The following PALLD variants were observed in gnomAD, a reference collection of about 807,000 sequenced individuals.
The protein encoded by PALLD is palladin.
PALLD carries 61 observed loss-of-function variants against 123.5 expected under a neutral mutation model. The ratio of observed to expected loss-of-function variants is 0.49; its 90% CI spans 0.40 to 0.61. The LOEUF (loss-of-function observed/expected upper bound fraction) is 0.61. PALLD is among the 20% of genes least tolerant of loss of function. The probability of loss-of-function intolerance (pLI) is 0.00; values close to 1 mark genes in which losing one functional copy is unlikely to be tolerated. For missense variants in PALLD, 1,273 were observed against 1,377.0 expected, an observed-to-expected ratio of 0.92 and a Z score of 1.20; for synonymous variants, 465 against 496.4, an observed-to-expected ratio of 0.94 and a Z score of 0.84.
intron 2 of PALLD, among the ~76,000 whole-genome samples, chr4:168,656,363 G>C (rs550827991): frequency 4.6e-5 from 7 of 151,622 alleles, no homozygotes; most frequent in Admixed American, 2.6e-4. Context: ...CTTGCATAGG[G>C]AATTGGTGAG....
At chr4:168,830,362 C>CA (rs140686498) in intron 10 of PALLD, among the ~76,000 whole-genome samples, 67,987 of 150,350 alleles carry the variant, frequency 0.45, 16,640 homozygotes, top group Non-Finnish European at 0.56. Flanking sequence ...TTGTCTTGAA[C>CA]AAAAAAAAAT....
intron 8 of PALLD, among the ~76,000 whole-genome samples, chr4:168,708,042 T>G (rs1451013127): frequency 1.3e-5 from 2 of 152,148 alleles, no homozygotes; most frequent in Non-Finnish European, 2.9e-5. Flanking sequence ...GGGTTTGGAG[T>G]CTGGACCCCA....
At chr4:168,835,663 G>GGGCCAGGCGCGGTGGCTCACGCC (rs1195787738) in intron 10 of PALLD, among the ~76,000 whole-genome samples, 1 of 151,868 alleles carries the variant, frequency 6.6e-6, no homozygotes, top group African/African-American at 2.4e-5. Flanking sequence ...ATTAGAGATG[G>GGGCCAGGCGCGGTGGCTCACGCC]TAGATGAGAA....
intron 2 of PALLD, among the ~76,000 whole-genome samples, chr4:168,656,835 C>A (rs1406530962): frequency 6.6e-6 from 1 of 152,148 alleles, no homozygotes; most frequent in Non-Finnish European, 1.5e-5. Context: ...CACATTAATT[C>A]CTGTGTAAGA....
intron 2 of PALLD, among the ~76,000 whole-genome samples, chr4:168,616,108 C>T (rs968216991): frequency 6.6e-6 from 1 of 152,094 alleles, no homozygotes; most frequent in Non-Finnish European, 1.5e-5. Flanking sequence ...AAGGAGTCAA[C>T]TTTAATTTTG....
At position 168,749,125 on chromosome 4, in the gene PALLD, G is replaced by A. The variant is rs555676515; in HGVS notation, c.1964+37202G>A. On this transcript the variant is annotated intron_variant, in intron 10 of 21. Coordinates refer to ENST00000505667, the MANE Select transcript of PALLD (RefSeq NM_001166108.2). ...TAGTCAGTGAGTTCTCGTTAAAAGT[G>A]TGTGGCACTTCCCTGCCACTCTCTC... Among the ~76,000 whole-genome samples, 110 of 152,160 alleles carry A rather than the reference G, an allele frequency of 7.2e-4. 1 individual carries two copies. Among genetic ancestry groups the A allele is most frequent in the African/African-American group, 2.4e-3 (99 of 41,512 alleles).
At position 168,647,345 on chromosome 4, in the gene PALLD, A is replaced by G. The variant is rs575328879; in HGVS notation, c.909-20845A>G. On this transcript the variant is annotated intron_variant, in intron 2 of 21. Coordinates refer to ENST00000505667, the MANE Select transcript of PALLD (RefSeq NM_001166108.2). ...TAGAAGATTCTCTAGTTCACTTACT[A>G]CAATGGACTGTGTTTTTTCTTAGAG... 6.6e-5 allele frequency among the ~76,000 whole-genome samples: 10 copies of G among 152,346 alleles called. No homozygotes were observed. The East Asian group carries it at 1.7e-3, about 26-fold the overall frequency.
At chr4:168,726,712 G>C (rs1278857896) in intron 10 of PALLD, among the ~76,000 whole-genome samples, 1 of 151,734 alleles carries the variant, frequency 6.6e-6, no homozygotes. Flanking sequence ...TGAGAGGTCA[G>C]ATAGAGTTCA....
intron 10 of PALLD, among the ~76,000 whole-genome samples, chr4:168,733,002 A>G (rs1787331279): frequency 6.6e-6 from 1 of 152,194 alleles, no homozygotes; most frequent in Non-Finnish European, 1.5e-5. Context: ...ACTTGTGGTT[A>G]AAAGAAATGT....
At chr4:168,661,301 G>T (rs187792924) in intron 2 of PALLD, among the ~76,000 whole-genome samples, 1 of 152,114 alleles carries the variant, frequency 6.6e-6, no homozygotes, top group Non-Finnish European at 1.5e-5. Context: ...TTTCTTCTCC[G>T]TTAGCCCCTG....
intron 10 of PALLD, chr4:168,885,544 G>A (rs1753220918): frequency 1.3e-5 from 2 of 152,128 alleles, no homozygotes; most frequent in Non-Finnish European, 2.9e-5. Context: ...TTGCCCACTG[G>A]AATGTTTTCT....
intron 10 of PALLD, among the ~76,000 whole-genome samples, chr4:168,762,014 A>T (rs962349778): frequency 3.9e-5 from 6 of 152,158 alleles, no homozygotes; most frequent in African/African-American, 1.4e-4. Flanking sequence ...AAGGACGACA[A>T]GTCTATTTTT....
At chr4:168,698,308 G>GGCTCATCTCATTTCCTCATGGC (rs1561414028) in intron 8 of PALLD, among the ~76,000 whole-genome samples, 1 of 152,162 alleles carries the variant, frequency 6.6e-6, no homozygotes. Flanking sequence ...CAGGGTGACT[G>GGCTCATCTCATTTCCTCATGGC]TAGTCAATAA....
chr4:168,722,756 A>T (rs1786147223), intron 10 of PALLD, among the ~76,000 whole-genome samples: 1 of 152,230 alleles, frequency 6.6e-6, no homozygotes, highest in Non-Finnish European at 1.5e-5. Context: ...TAGAAACAGG[A>T]CATATGTCTT....
In PALLD at chr4:168,901,673, T is replaced by A. The variant is rs147592430; in HGVS notation, c.2473-2084T>A. On this transcript the variant is annotated intron_variant, in intron 14 of 21. Coordinates refer to ENST00000505667, the MANE Select transcript of PALLD (RefSeq NM_001166108.2). ...AGGAGTTTAAGAACAGCCTGGCCAA[T>A]ATTGTGAAACCCCATCTCTACTAAA... Among the ~76,000 whole-genome samples the A allele has an allele frequency of 1.9e-4, 29 of 151,982 alleles. No individual in the cohort carries two copies. In the East Asian group the frequency reaches 5.6e-3, roughly 29 times the overall value.
At chr4:168,877,822 G>A in intron 10 of PALLD, 2 of 1,287,566 alleles carry the variant, frequency 1.6e-6, no homozygotes, top group Non-Finnish European at 2.0e-6. Context: ...CGCCGCCCTC[G>A]CCCCCCTTCC....
chr4:168,553,363 G>A (rs989202959), intron 2 of PALLD, among the ~76,000 whole-genome samples: 2 of 152,168 alleles, frequency 1.3e-5, no homozygotes, highest in Non-Finnish European at 2.9e-5. Flanking sequence ...AGCAAACAGA[G>A]TCTAAGTCCA....
chr4:168,741,345 T>TG (rs56865130), intron 10 of PALLD, among the ~76,000 whole-genome samples: 8,582 of 89,956 alleles, frequency 0.095, 559 homozygotes, highest in East Asian at 0.42. Flanking sequence ...TATTTGTTTT[T>TG]TTTGTGTGTG....
At chr4:168,705,974 A>G (rs567962698) in intron 8 of PALLD, among the ~76,000 whole-genome samples, 1 of 152,358 alleles carries the variant, frequency 6.6e-6, no homozygotes, top group African/African-American at 2.4e-5. Flanking sequence ...AATACTTAAT[A>G]TAGATTTCAT....
Sources: allele counts gnomAD v4.1 joint callset (sites outside exome capture counted in the v4.1 genomes callset), GRCh38; gene constraint gnomAD v4.1.1; transcripts MANE v1.5; gene names NCBI Gene and HGNC (gene_info 2026-07-23, HGNC 2026-07-21).